TSHR: variants seen among roughly 807,000 people sequenced by gnomAD.
TSHR encodes the protein thyroid stimulating hormone receptor, also known as thyrotropin receptor.
TSHR carries 51 observed loss-of-function variants against 64.1 expected under a neutral mutation model. The observed-to-expected ratio is 0.80, with a 90% CI of 0.64 to 1.01. The LOEUF (loss-of-function observed/expected upper bound fraction) is 1.01, where lower values mean the gene tolerates loss of function less well. Ranked by LOEUF, TSHR falls within the 50% of genes least tolerant of loss-of-function variation. The pLI is 0.00. For synonymous variants in TSHR, 361 were observed against 361.9 expected (o/e 1.00, Z 0.03); for missense variants, 877 against 942.8 (o/e 0.93, Z 0.91).
At chr14:80,975,518 C>T (rs566603658) in intron 1 of TSHR, among the ~76,000 whole-genome samples, 13 of 152,310 alleles carry the variant, frequency 8.5e-5, no homozygotes, top group African/African-American at 2.6e-4. Flanking sequence ...CCACTCCTTC[C>T]CTGCCTCTAT....
intron 8 of TSHR, among the ~76,000 whole-genome samples, chr14:81,137,159 CAG>C (rs1891488393): frequency 6.6e-6 from 1 of 152,174 alleles, no homozygotes; most frequent in Non-Finnish European, 1.5e-5. Context: ...CCTCCACAAA[CAG>C]AGATTATAAT....
At chr14:81,031,059 A>G (rs898412901) in intron 1 of TSHR, among the ~76,000 whole-genome samples, 5 of 152,204 alleles carry the variant, frequency 3.3e-5, no homozygotes, top group African/African-American at 1.2e-4. Flanking sequence ...TTAATAAAAC[A>G]GTCAGGAAAT....
chr14:81,055,876 G>C (rs1176981510), intron 1 of TSHR, among the ~76,000 whole-genome samples: 1 of 152,144 alleles, frequency 6.6e-6, no homozygotes, highest in Non-Finnish European at 1.5e-5. Flanking sequence ...GTGGACTTTT[G>C]AGTTAATGCT....
intron 1 of TSHR, among the ~76,000 whole-genome samples, chr14:81,018,590 T>G (rs770178064): frequency 3.3e-5 from 5 of 151,784 alleles, no homozygotes; most frequent in Non-Finnish European, 7.4e-5. Context: ...TGAAAGGGAG[T>G]ACAGGGAACA....
chr14:81,109,321 A>C (rs1017047788), intron 8 of TSHR, among the ~76,000 whole-genome samples: 1 of 152,114 alleles, frequency 6.6e-6, no homozygotes, highest in African/African-American at 2.4e-5. Flanking sequence ...AGGCAGGAGA[A>C]TGGCATGAAC....
At chr14:81,084,868 A>T (rs937532897) in intron 3 of TSHR, among the ~76,000 whole-genome samples, 3 of 152,146 alleles carry the variant, frequency 2.0e-5, no homozygotes, top group African/African-American at 7.2e-5. Flanking sequence ...CTCTGATTAG[A>T]TGTTCTTTTG....
chr14:81,092,173 T>C (rs186103259), intron 5 of TSHR, among the ~76,000 whole-genome samples: 6 of 152,308 alleles, frequency 3.9e-5, no homozygotes, highest in African/African-American at 1.4e-4. Context: ...CTGACCTTCT[T>C]AAAGGTCCAT....
chr14:81,117,466 T>C (rs568108031), intron 8 of TSHR, among the ~76,000 whole-genome samples: 3,005 of 121,262 alleles, frequency 0.025, 112 homozygotes, highest in Non-Finnish European at 0.032. Flanking sequence ...ACATACACTC[T>C]CCCAAGACTA....
At chr14:81,104,774 A>G in intron 7 of TSHR, 2 of 985,428 alleles carry the variant, frequency 2.0e-6, no homozygotes, top group African/African-American at 3.5e-5. Context: ...ATCTTAAATC[A>G]GGGCAGGGCT....
At chr14:81,114,728 G>T (rs1427534831) in intron 8 of TSHR, among the ~76,000 whole-genome samples, 1 of 152,194 alleles carries the variant, frequency 6.6e-6, no homozygotes, top group Non-Finnish European at 1.5e-5. Context: ...CTGGGGGCAG[G>T]GCACAGACAA....
intron 3 of TSHR, among the ~76,000 whole-genome samples, chr14:81,072,996 C>CAAAAAA (rs1212879309): frequency 5.3e-4 from 4 of 7,520 alleles, no homozygotes; most frequent in African/African-American, 1.4e-3. Flanking sequence ...GACTCCGTCT[C>CAAAAAA]AAAAAAAAAA....
Position 81,070,357 on chromosome 14 carries a change from G to A in TSHR, c.317+2029G>A, listed in dbSNP as rs139952021. Among the ~76,000 whole-genome samples the A allele has an allele frequency of 4.2e-3, 634 of 152,102 alleles. 4 individuals carry two copies. The highest frequency in any genetic ancestry group is 0.014 in the African/African-American group (562 of 41,514). On this transcript the variant is annotated intron_variant, in intron 3 of 9. Coordinates refer to ENST00000298171, the MANE Select transcript of TSHR (RefSeq NM_000369.5). ...TATAAAAGCCAGCAAGGCTGGGCGC[G>A]CTGGCTCATGCCTGTAATCCCAGCA...
At chr14:81,060,196 G>A (rs1429971437) in intron 1 of TSHR, among the ~76,000 whole-genome samples, 3 of 152,114 alleles carry the variant, frequency 2.0e-5, no homozygotes, top group Non-Finnish European at 4.4e-5. Context: ...CCCACAAAAT[G>A]TTTGCCTTAC....
chr14:81,051,838 T>G (rs571156027), intron 1 of TSHR: 1 of 152,296 alleles, frequency 6.6e-6, no homozygotes, highest in South Asian at 2.1e-4. Flanking sequence ...TATGTCTTCT[T>G]CTGAGAAGTG....
rs868712748 is a variant in TSHR, at chr14:81,138,652, G to T, written c.693-1027G>T. On this transcript the variant is annotated intron_variant, in intron 8 of 9. Coordinates refer to ENST00000298171, the MANE Select transcript of TSHR (RefSeq NM_000369.5). Reference sequence around the variant, plus strand: ...TAATACATGAGCTTTAAGTTCTGACGGCCTTGAACCTTGAGAATGTAAACC... The same window carrying T: ...TAATACATGAGCTTTAAGTTCTGACTGCCTTGAACCTTGAGAATGTAAACC... Among the ~76,000 whole-genome samples, 14 of 152,146 alleles carry T rather than the reference G, an allele frequency of 9.2e-5. No homozygotes were observed. The South Asian group carries it at 2.5e-3, about 27-fold the overall frequency.
At chr14:81,024,937 T>C (rs1883969513) in intron 1 of TSHR, among the ~76,000 whole-genome samples, 1 of 152,220 alleles carries the variant, frequency 6.6e-6, no homozygotes, top group South Asian at 2.1e-4. Flanking sequence ...CACTTTTTAC[T>C]GTCATATGGA....
intron 1 of TSHR, chr14:80,983,029 G>C: frequency 1.9e-6 from 1 of 538,916 alleles, no homozygotes; most frequent in Non-Finnish European, 3.4e-6. Context: ...GATTGCAATG[G>C]GTATCCATAA....
intron 1 of TSHR, chr14:80,957,929 C>T (rs1407126158): frequency 6.6e-6 from 1 of 151,986 alleles, no homozygotes; most frequent in Non-Finnish European, 1.5e-5. Context: ...GAGGATCTGC[C>T]CTTGAGAATA....
At chr14:81,007,184 G>A (rs980756019) in intron 1 of TSHR, among the ~76,000 whole-genome samples, 5 of 152,214 alleles carry the variant, frequency 3.3e-5, no homozygotes, top group African/African-American at 1.2e-4. Flanking sequence ...ATGAGGATTA[G>A]TGTCCTATAA....
Sources: gnomAD v4.1 joint callset for allele counts (sites outside exome capture counted in the v4.1 genomes callset) on GRCh38, gnomAD v4.1.1 for gene constraint, MANE v1.5 for transcripts, NCBI Gene and HGNC (gene_info 2026-07-23, HGNC 2026-07-21) for gene names.